Variants in INSR observed in about 807,000 individuals in gnomAD.
The protein encoded by INSR is IR.
In INSR, 67 loss-of-function variants were observed where a neutral mutation model predicts 142.6. The observed-to-expected ratio is 0.47, with a 90% CI of 0.39 to 0.58. The LOEUF (loss-of-function observed/expected upper bound fraction) is 0.58. Ranked by LOEUF, INSR falls within the 20% of genes least tolerant of loss-of-function variation. The pLI is 0.00. For missense variants in INSR, 1,248 were observed against 1,833.2 expected, an observed-to-expected ratio of 0.68 and a Z score of 5.83; for synonymous variants, 756 against 743.1, an observed-to-expected ratio of 1.02 and a Z score of -0.28.
chr19:7,194,187 T>C (rs1270429932), intron 2 of INSR, among the ~76,000 whole-genome samples: 1 of 152,042 alleles, frequency 6.6e-6, no homozygotes, highest in Non-Finnish European at 1.5e-5. Flanking sequence ...GGGAGGCTGA[T>C]GCAGGAAGAT....
intron 3 of INSR, among the ~76,000 whole-genome samples, chr19:7,183,451 A>C (rs1974327819): frequency 6.6e-6 from 1 of 152,100 alleles, no homozygotes; most frequent in Non-Finnish European, 1.5e-5. Context: ...GAAGAGAGAA[A>C]ACCCTGCTAT....
At chr19:7,132,483 A>C (rs894347487) in intron 13 of INSR, among the ~76,000 whole-genome samples, 166 bp from the exon 14 acceptor site, 1 of 152,210 alleles carries the variant, frequency 6.6e-6, no homozygotes, top group Admixed American at 6.5e-5. Flanking sequence ...AGAATTTTAT[A>C]ACCATAGTGC....
rs190487263 is a variant in INSR at position 7,280,180 on chromosome 19, C to T, written c.101-12284G>A. On this transcript the variant is annotated intron_variant, in intron 1 of 21. Coordinates refer to ENST00000302850, the MANE Select transcript of INSR (RefSeq NM_000208.4). ...TCGGGAGGCTGAGGCAGGAGAATGG[C>T]GTGAACCCGGGAGGCGGAGCTTGCA... is the stretch of plus-strand genomic sequence containing the variant. Among the ~76,000 whole-genome samples the T allele has an allele frequency of 4.6e-5, 7 of 152,174 alleles. No homozygotes were observed. The East Asian group carries it at 7.7e-4, about 17-fold the overall frequency.
chr19:7,214,075 A>G (rs1303580198), intron 2 of INSR, among the ~76,000 whole-genome samples: 1 of 152,154 alleles, frequency 6.6e-6, no homozygotes, highest in Non-Finnish European at 1.5e-5. Flanking sequence ...CGAGAAGTCT[A>G]TGAACCAGCT....
intron 1 of INSR, among the ~76,000 whole-genome samples, chr19:7,274,885 G>A (rs1465426280): frequency 6.6e-6 from 1 of 151,986 alleles, no homozygotes; most frequent in Non-Finnish European, 1.5e-5. Flanking sequence ...ATGTAGAAGA[G>A]GCAAGCCCCA....
intron 2 of INSR, among the ~76,000 whole-genome samples, chr19:7,227,577 T>C (rs922299616): frequency 2.0e-5 from 3 of 152,130 alleles, no homozygotes; most frequent in Admixed American, 2.0e-4. Context: ...CCGGTCAACA[T>C]TTGCATTCTC....
In INSR at chr19:7,126,616, GA is replaced by G; in HGVS notation, c.2980del (p.Ser994LeufsTer63). ...PDGPLGPLYA[S>X]SNPEYLSASD... ...GGCACTGAGATACTCAGGGTTTGAA[GA>G]AGCGTAAAGCGGTCCCAGCGGCCCA... On this transcript the variant is annotated frameshift_variant, in exon 16 of 22. Coordinates refer to ENST00000302850, the MANE Select transcript of INSR (RefSeq NM_000208.4). LOFTEE classifies it high-confidence loss of function. 1 of 1,565,440 alleles carries G rather than the reference GA, an allele frequency of 6.4e-7. No homozygotes were observed. Among genetic ancestry groups the G allele is most frequent in the Non-Finnish European group, 8.7e-7 (1 of 1,153,276 alleles).
At chr19:7,277,951 G>A (rs570969393) in intron 1 of INSR, among the ~76,000 whole-genome samples, 5 of 151,494 alleles carry the variant, frequency 3.3e-5, no homozygotes, top group South Asian at 4.2e-4. Context: ...AAAATTAGCC[G>A]GGCACGGTAG....
In INSR at chr19:7,197,513, G is replaced by GT. The variant is rs1491277091; in HGVS notation, c.653-12877_653-12876insA. 3.3e-4 allele frequency among the ~76,000 whole-genome samples: 21 copies of GT among 64,176 alleles called. 1 individual carries two copies. The highest frequency in any genetic ancestry group is 7.2e-3 in the Middle Eastern group (1 of 138). 42.1% of individuals were successfully genotyped at this position (64,176 alleles called of 152,430 possible). A position where few individuals can be genotyped will look rare whatever the true frequency, so the allele number is the denominator to read the frequency against. On this transcript the variant is annotated intron_variant, in intron 2 of 21. Coordinates refer to ENST00000302850, the MANE Select transcript of INSR (RefSeq NM_000208.4). ...GATTGGCAGGTTCCAGAGTGGGAGT[G>GT]GGGGTGTGTGTGTGTGTGTGTGTGT...
At chr19:7,118,379 G>A (rs886746764) in intron 21 of INSR, among the ~76,000 whole-genome samples, 17 of 151,968 alleles carry the variant, frequency 1.1e-4, no homozygotes, top group African/African-American at 4.1e-4. Context: ...GTGCAATGGT[G>A]CAGTCTCTGC....
chr19:7,161,088 C>G (rs977786736), intron 9 of INSR, among the ~76,000 whole-genome samples: 1 of 149,034 alleles, frequency 6.7e-6, no homozygotes, highest in African/African-American at 2.4e-5. Flanking sequence ...CATTTTCCTT[C>G]AGATGGATGG....
chr19:7,142,425 GTGCTCA>G (rs1015862803), intron 12 of INSR, among the ~76,000 whole-genome samples: 9 of 128,888 alleles, frequency 7.0e-5, no homozygotes, highest in African/African-American at 2.7e-4. Flanking sequence ...GCCAGGTTCG[GTGCTCA>G]TGCCTGTAAT....
chr19:7,128,801 C>G (rs1394689342), intron 15 of INSR, 51 bp downstream of exon 15: 1 of 1,263,350 alleles, frequency 7.9e-7, no homozygotes, highest in Non-Finnish European at 1.2e-6. Context: ...GGCATGTTTT[C>G]CCCCAGAGAA....
intron 2 of INSR, among the ~76,000 whole-genome samples, chr19:7,263,940 C>T (rs1600107499): frequency 6.6e-6 from 1 of 152,076 alleles, no homozygotes; most frequent in African/African-American, 2.4e-5. Flanking sequence ...GAGGCCAAGG[C>T]GGGCAGATCA....
intron 2 of INSR, among the ~76,000 whole-genome samples, chr19:7,214,330 T>A (rs1170128302): frequency 6.6e-6 from 1 of 152,160 alleles, no homozygotes; most frequent in Non-Finnish European, 1.5e-5. Context: ...AAACATTTGC[T>A]GAACAAATAA....
intron 2 of INSR, among the ~76,000 whole-genome samples, chr19:7,197,986 A>AGTGTGTGTGTGTCCATGGTGGGCGAGC (rs1568481053): frequency 3.9e-5 from 5 of 127,660 alleles, no homozygotes; most frequent in African/African-American, 1.6e-4. Context: ...CCATGGTGGG[A>AGTGTGTGTGTGTCCATGGTGGGCGAGC]GTGTGTGTGT....
At position 7,183,272 on chromosome 19, in the gene INSR, GTGT is replaced by G. The variant is rs1974322651; in HGVS notation, c.974+1041_974+1043del. Among the ~76,000 whole-genome samples, 3 of 150,200 alleles carry G rather than the reference GTGT, an allele frequency of 2.0e-5. No homozygotes were observed. In the South Asian group the frequency reaches 6.4e-4, roughly 32 times the overall value. ...TTTTGTGTTGTTTTGTGGTGTGTGT[GTGT>G]GTGTGTGTGTGTGTGTGTGTGTGTT... On this transcript the variant is annotated intron_variant, in intron 3 of 21. Transcript: ENST00000302850.
intron 2 of INSR, among the ~76,000 whole-genome samples, chr19:7,193,048 G>T (rs1274807575): frequency 6.6e-6 from 1 of 152,064 alleles, no homozygotes; most frequent in Admixed American, 6.6e-5. Flanking sequence ...CTTCAGGGAG[G>T]CAGTTCAAAG....
chr19:7,287,365 T>A (rs539990550), intron 1 of INSR, among the ~76,000 whole-genome samples: 1 of 152,156 alleles, frequency 6.6e-6, no homozygotes, highest in African/African-American at 2.4e-5. Flanking sequence ...TTCACCATGT[T>A]GGTCAGGCTG....
Sources: gnomAD v4.1 joint callset for allele counts (sites outside exome capture counted in the v4.1 genomes callset) on GRCh38, gnomAD v4.1.1 for gene constraint, MANE v1.5 for transcripts, NCBI Gene and HGNC (gene_info 2026-07-23, HGNC 2026-07-21) for gene names.